Variants in EPYC observed in about 807,000 individuals in gnomAD.
The protein encoded by EPYC is dermatan sulfate proteoglycan 3.
A neutral mutation model predicts 30.1 loss-of-function variants in EPYC; 28 were observed. That is an observed-to-expected ratio of 0.93 (90% CI 0.69 to 1.28). The LOEUF (loss-of-function observed/expected upper bound fraction) is 1.28, where lower values mean the gene tolerates loss of function less well. EPYC is among the 50% of genes most tolerant of loss of function. The pLI is 0.00. For missense variants in EPYC, 382 were observed against 383.5 expected, an observed-to-expected ratio of 1.00 and a Z score of 0.03; for synonymous variants, 144 against 141.4, an observed-to-expected ratio of 1.02 and a Z score of -0.13.
intron 2 of EPYC, among the ~76,000 whole-genome samples, chr12:90,985,558 A>G (rs1292597147): frequency 1.3e-5 from 2 of 152,200 alleles, no homozygotes; most frequent in African/African-American, 2.4e-5. Flanking sequence ...CATGGCTCTC[A>G]GACAAACAAA....
At chr12:90,999,225 T>C (rs575415958) in intron 2 of EPYC, among the ~76,000 whole-genome samples, 4 of 152,128 alleles carry the variant, frequency 2.6e-5, no homozygotes, top group Admixed American at 2.6e-4. Context: ...ATGGGTATAC[T>C]AGGAATGGGA....
chr12:90,979,400 G>C (rs190816034), intron 2 of EPYC, among the ~76,000 whole-genome samples: 1 of 151,984 alleles, frequency 6.6e-6, no homozygotes, highest in African/African-American at 2.4e-5. Flanking sequence ...ATTATTTCTG[G>C]ATTACTTAAT....
At chr12:90,982,865 A>C (rs1877353980) in intron 2 of EPYC, among the ~76,000 whole-genome samples, 1 of 152,146 alleles carries the variant, frequency 6.6e-6, no homozygotes, top group Non-Finnish European at 1.5e-5. Flanking sequence ...TGTATATACC[A>C]CATTGTATTT....
At chr12:90,974,054 A>ACACACACG (rs1366740479) in intron 3 of EPYC, among the ~76,000 whole-genome samples, 1 of 149,424 alleles carries the variant, frequency 6.7e-6, no homozygotes, top group Non-Finnish European at 1.5e-5. Flanking sequence ...ACACACACAC[A>ACACACACG]CACACACACA....
chr12:90,991,151 A>T (rs1877577905), intron 2 of EPYC, among the ~76,000 whole-genome samples: 1 of 152,132 alleles, frequency 6.6e-6, no homozygotes. Context: ...TATAATATAT[A>T]TTTGCATACA....
At position 91,000,088 on chromosome 12, in the gene EPYC, A is replaced by G. The variant is rs552015683; in HGVS notation, c.165+2313T>C. 9.9e-5 allele frequency among the ~76,000 whole-genome samples: 15 copies of G among 152,172 alleles called. No individual in the cohort carries two copies. In the South Asian group the frequency reaches 1.0e-3, roughly 11 times the overall value. On this transcript the variant is annotated intron_variant, in intron 2 of 6. Transcript: ENST00000261172. ...TCTGTATCTATACCGTCTACCTACA[A>G]ACTGGTTTTTCTGATCATGAGTTCA...
intron 2 of EPYC, among the ~76,000 whole-genome samples, chr12:90,985,747 G>T (rs1417043427): frequency 6.6e-6 from 1 of 152,028 alleles, no homozygotes; most frequent in Middle Eastern, 3.2e-3. Context: ...GAGGACAAAG[G>T]TTCTCTGGGC....
In EPYC at chr12:90,972,987, G is replaced by T. The variant is rs768014279; in HGVS notation, c.341-7C>A. ...AAAAGACAGGTTGGAAAGTCTAAAA[G>T]ATAAAGGAAAATAAAATTAAATGTA... On this transcript the variant is annotated splice_region_variant and splice_polypyrimidine_tract_variant and intron_variant, in intron 3 of 6. Coordinates refer to ENST00000261172, the MANE Select transcript of EPYC (RefSeq NM_004950.5). The T allele has an allele frequency of 5.8e-6, 9 of 1,548,566 alleles. No homozygotes were observed. In the African/African-American group the frequency reaches 1.2e-4, roughly 21 times the overall value.
chr12:90,998,173 C>T (rs928486106), intron 2 of EPYC, among the ~76,000 whole-genome samples: 10 of 151,952 alleles, frequency 6.6e-5, no homozygotes, highest in African/African-American at 1.9e-4. Context: ...AGAACAGTAC[C>T]TAGCACATAA....
chr12:90,971,713 T>TTA (rs1877050973), intron 5 of EPYC, 87 bp downstream of exon 5: 1 of 311,378 alleles, frequency 3.2e-6, no homozygotes, highest in African/African-American at 3.5e-5. Context: ...TAAATAAATT[T>TTA]ATTTTCCCTA....
intron 6 of EPYC, among the ~76,000 whole-genome samples, chr12:90,965,887 TATAAAC>T (rs1251806655): frequency 1.3e-5 from 2 of 152,076 alleles, no homozygotes; most frequent in Non-Finnish European, 2.9e-5. Flanking sequence ...TTGTGACTAT[TATAAAC>T]AGGATTGTTT....
chr12:90,966,863 C>T (rs1163941191), intron 6 of EPYC, among the ~76,000 whole-genome samples: 1 of 151,954 alleles, frequency 6.6e-6, no homozygotes, highest in African/African-American at 2.4e-5. Flanking sequence ...ATTTCAATAG[C>T]TTGCATTTTT....
intron 2 of EPYC, among the ~76,000 whole-genome samples, chr12:90,996,556 A>C (rs906014352): frequency 1.3e-5 from 2 of 151,936 alleles, no homozygotes; most frequent in African/African-American, 4.8e-5. Flanking sequence ...TGAGTTCTCT[A>C]CCATTCCTAC....
At chr12:91,001,642 C>G (rs1229590414) in intron 2 of EPYC, among the ~76,000 whole-genome samples, 1 of 152,126 alleles carries the variant, frequency 6.6e-6, no homozygotes, top group Non-Finnish European at 1.5e-5. Flanking sequence ...TTTAGGGAAG[C>G]ACATTCACTG....
chr12:90,970,715 G>T (rs1230307305), intron 5 of EPYC, among the ~76,000 whole-genome samples: 2 of 152,156 alleles, frequency 1.3e-5, no homozygotes, highest in African/African-American at 2.4e-5. Flanking sequence ...ACCCTTGCCT[G>T]GCTATAGTGA....
intron 3 of EPYC, among the ~76,000 whole-genome samples, chr12:90,973,861 G>A (rs999444143): frequency 4.6e-5 from 7 of 152,192 alleles, no homozygotes; most frequent in African/African-American, 1.2e-4. Context: ...CATGGTAAGA[G>A]TTAAGTCTGC....
rs78354658 is a variant in EPYC at position 90,965,309 on chromosome 12, T to C, written c.799-983A>G. 7.8e-3 allele frequency among the ~76,000 whole-genome samples: 1,185 copies of C among 152,324 alleles called. 12 individuals are homozygous for C. The highest frequency in any genetic ancestry group is 0.025 in the African/African-American group (1,025 of 41,570). ...CAAATTATGCCTCTTATGAATATAC[T>C]TCTGTTAACATTTGTGTAAAAGTTT... On this transcript the variant is annotated intron_variant, in intron 6 of 6. Transcript: ENST00000261172.
intron 2 of EPYC, among the ~76,000 whole-genome samples, chr12:91,000,771 A>G (rs538676881): frequency 3.8e-4 from 55 of 144,112 alleles, no homozygotes; most frequent in African/African-American, 1.3e-3. Context: ...TTTGATAGAT[A>G]AATTCAGAAA....
Position 90,970,112 on chromosome 12 carries a change from G to C in EPYC, c.730C>G (p.Leu244Val), listed in dbSNP as rs1325448363. ...KDMYDLHHLY[L>V]TDNNLDHIPL... ...ATGTGGTCCAAGTTGTTATCAGTGA[G>C]GTACAGATGATGGAGATCATACATG... Residue 244 changes from leucine to valine, a missense_variant, in exon 6 of 7, where the codon CTC becomes GTC. Leu to Val is a conservative substitution (Grantham distance 32). Coordinates refer to ENST00000261172, the MANE Select transcript of EPYC (RefSeq NM_004950.5). 6.2e-7 allele frequency: 1 copy of C among 1,613,580 alleles called. No homozygotes were observed. Among genetic ancestry groups the C allele is most frequent in the African/African-American group, 1.3e-5 (1 of 74,882 alleles).
Sources: allele counts gnomAD v4.1 joint callset (sites outside exome capture counted in the v4.1 genomes callset), GRCh38; gene constraint gnomAD v4.1.1; transcripts MANE v1.5; gene names NCBI Gene and HGNC (gene_info 2026-07-23, HGNC 2026-07-21).